Variants in ST8SIA1 observed in about 807,000 individuals in gnomAD.
The protein encoded by ST8SIA1 is ST8 alpha-N-acetyl-neuraminide alpha-2,8-sialyltransferase 1.
ST8SIA1 carries 16 observed loss-of-function variants against 35.9 expected under a neutral mutation model. The ratio of observed to expected loss-of-function variants is 0.45; its 90% CI spans 0.30 to 0.68. The LOEUF is 0.68. ST8SIA1 is among the 30% of genes least tolerant of loss of function. The pLI is 0.09. For missense variants in ST8SIA1, 383 were observed against 453.6 expected, an observed-to-expected ratio of 0.84 and a Z score of 1.41; for synonymous variants, 170 against 169.6, an observed-to-expected ratio of 1.00 and a Z score of -0.02.
intron 4 of ST8SIA1, among the ~76,000 whole-genome samples, chr12:22,209,241 C>T (rs1300910335): frequency 6.6e-6 from 1 of 152,004 alleles, no homozygotes; most frequent in Non-Finnish European, 1.5e-5. Context: ...ATAACAAATA[C>T]AGCAAATAGC....
At chr12:22,215,574 G>GAA (rs1865225550) in intron 4 of ST8SIA1, among the ~76,000 whole-genome samples, 1 of 152,158 alleles carries the variant, frequency 6.6e-6, no homozygotes, top group Non-Finnish European at 1.5e-5. Flanking sequence ...CAAGTTCAAA[G>GAA]AAAGTTAGGG....
In ST8SIA1 at chr12:22,200,991, A is replaced by C. The variant is rs1312042728; in HGVS notation, c.*561T>G. 1 of 152,228 alleles carries C rather than the reference A, an allele frequency of 6.6e-6. No homozygotes were observed. Among genetic ancestry groups the C allele is most frequent in the Non-Finnish European group, 1.5e-5 (1 of 68,048 alleles). The allele number at this position is 152,228 out of a possible 1,614,324, so 9.4% of individuals were successfully genotyped here. ...TAGTTAATATAGACGTGGCTCAACA[A>C]ATCACAATTATCAGCAGTAACATTT... On this transcript the variant is annotated 3_prime_UTR_variant, in exon 5 of 5. Transcript: ENST00000396037.
chr12:22,225,622 T>C (rs571217289), intron 4 of ST8SIA1, among the ~76,000 whole-genome samples: 65 of 152,308 alleles, frequency 4.3e-4, no homozygotes, highest in African/African-American at 1.5e-3. Context: ...TACAAACTTA[T>C]GGTTATATAA....
chr12:22,245,741 G>A (rs1397806131), intron 4 of ST8SIA1, among the ~76,000 whole-genome samples: 2 of 152,212 alleles, frequency 1.3e-5, no homozygotes, highest in Non-Finnish European at 2.9e-5. Context: ...AAGAATCAAG[G>A]CAGGATTCTA....
chr12:22,285,877 C>CAAACAAAAAAA (rs1481110959), intron 2 of ST8SIA1, among the ~76,000 whole-genome samples: 2 of 103,632 alleles, frequency 1.9e-5, no homozygotes, highest in African/African-American at 7.4e-5. Context: ...CTGTCAAAAA[C>CAAACAAAAAAA]AAAAAAAAAA....
At chr12:22,252,911 G>C (rs1449573130) in intron 3 of ST8SIA1, among the ~76,000 whole-genome samples, 1 of 152,210 alleles carries the variant, frequency 6.6e-6, no homozygotes, top group Non-Finnish European at 1.5e-5. Context: ...ATTTCTACGT[G>C]TATCAAGGCC....
rs1865011293 is a variant in ST8SIA1, at chr12:22,198,248, C to T, written c.*3304G>A. The stretch of plus-strand genomic sequence containing the variant: ...AAGTGATGCCCCCTCTTGGCAGGTG[C>T]ATCACCAAAAGTGATTAAAGATTTT... On this transcript the variant is annotated 3_prime_UTR_variant, in exon 5 of 5. Coordinates refer to ENST00000396037, the MANE Select transcript of ST8SIA1 (RefSeq NM_003034.4). 6.6e-6 allele frequency: 1 copy of T among 152,058 alleles called. No individual in the cohort carries two copies. The highest frequency in any genetic ancestry group is 2.4e-5 in the African/African-American group (1 of 41,402). The allele number at this position is 152,058 out of a possible 1,614,324, so 9.4% of individuals were successfully genotyped here. A position where few individuals can be genotyped will look rare whatever the true frequency, so the allele number is the denominator to read the frequency against.
chr12:22,323,483 G>C (rs892622939), intron 1 of ST8SIA1, among the ~76,000 whole-genome samples: 14 of 152,258 alleles, frequency 9.2e-5, no homozygotes, highest in African/African-American at 3.1e-4. Context: ...AATACCAATT[G>C]ACCCAGTAAT....
intron 1 of ST8SIA1, among the ~76,000 whole-genome samples, chr12:22,302,707 G>C (rs1220037055): frequency 6.6e-6 from 1 of 152,154 alleles, no homozygotes; most frequent in Non-Finnish European, 1.5e-5. Context: ...AAATTACTAA[G>C]CTAAAGGGAA....
intron 1 of ST8SIA1, among the ~76,000 whole-genome samples, chr12:22,315,717 A>G (rs901193429): frequency 2.6e-5 from 4 of 151,744 alleles, no homozygotes; most frequent in African/African-American, 9.7e-5. Flanking sequence ...TCCAGAAGAG[A>G]TAAGAGTAGT....
intron 1 of ST8SIA1, among the ~76,000 whole-genome samples, chr12:22,289,154 T>A (rs999527329): frequency 3.9e-5 from 6 of 152,172 alleles, no homozygotes; most frequent in African/African-American, 1.4e-4. Context: ...TCTTTAAAAA[T>A]AAGGAGCATT....
chr12:22,214,634 A>T (rs1865215154), intron 4 of ST8SIA1, among the ~76,000 whole-genome samples: 1 of 151,924 alleles, frequency 6.6e-6, no homozygotes, highest in African/African-American at 2.4e-5. Context: ...TCCAAAGGAC[A>T]TGAAATCCCA....
chr12:22,213,421 G>T (rs1250103203), intron 4 of ST8SIA1, among the ~76,000 whole-genome samples: 1 of 152,190 alleles, frequency 6.6e-6, no homozygotes, highest in East Asian at 1.9e-4. Context: ...AATACTTGCA[G>T]CATGGGGGTT....
intron 4 of ST8SIA1, among the ~76,000 whole-genome samples, chr12:22,237,186 ACGC>A: frequency 1.3e-5 from 2 of 152,264 alleles, no homozygotes; most frequent in African/African-American, 4.8e-5. Context: ...GCAGCCTTGA[ACGC>A]CTAGGCTCAA....
chr12:22,313,222 T>TCATA (rs1866475039), intron 1 of ST8SIA1, among the ~76,000 whole-genome samples: 1 of 152,092 alleles, frequency 6.6e-6, no homozygotes. Context: ...CTAATAAAGC[T>TCATA]CATACATATA....
chr12:22,324,743 A>G (rs896450233), intron 1 of ST8SIA1: 1 of 152,074 alleles, frequency 6.6e-6, no homozygotes, highest in Non-Finnish European at 1.5e-5. Context: ...TTAATTTCCT[A>G]TGCTCAGCTA....
intron 3 of ST8SIA1, among the ~76,000 whole-genome samples, chr12:22,254,864 T>C (rs1865712150): frequency 6.6e-6 from 1 of 152,186 alleles, no homozygotes; most frequent in African/African-American, 2.4e-5. Flanking sequence ...TACTTACACA[T>C]GATTTGATCA....
chr12:22,218,100 G>A (rs1420536009), intron 4 of ST8SIA1, among the ~76,000 whole-genome samples: 1 of 152,196 alleles, frequency 6.6e-6, no homozygotes, highest in Non-Finnish European at 1.5e-5. Flanking sequence ...GAGGGGGGCA[G>A]ATCACTTGAG....
At chr12:22,245,537 C>T (rs1056953725) in intron 4 of ST8SIA1, among the ~76,000 whole-genome samples, 1 of 152,228 alleles carries the variant, frequency 6.6e-6, no homozygotes, top group African/African-American at 2.4e-5. Flanking sequence ...GCTACTGTCT[C>T]CTTGTGCAAC....
Sources: allele counts gnomAD v4.1 joint callset (sites outside exome capture counted in the v4.1 genomes callset), GRCh38; gene constraint gnomAD v4.1.1; transcripts MANE v1.5; gene names NCBI Gene and HGNC (gene_info 2026-07-23, HGNC 2026-07-21).